The following PTPRD variants were observed in gnomAD, a reference collection of about 807,000 sequenced individuals.
PTPRD encodes the protein receptor-type tyrosine-protein phosphatase delta.
PTPRD carries 34 observed loss-of-function variants against 214.5 expected under a neutral mutation model. That is an observed-to-expected ratio of 0.16 (90% CI 0.12 to 0.21). The LOEUF is 0.21. PTPRD is among the 10% of genes least tolerant of loss of function. The pLI is 1.00. For missense variants in PTPRD, 2,545 were observed against 2,398.7 expected (o/e 1.06, Z -1.27); for synonymous variants, 1,128 against 845.7 (o/e 1.33, Z -5.79).
chr9:9,583,659 T>A (rs890835178), intron 7 of PTPRD, among the ~76,000 whole-genome samples: 24 of 152,076 alleles, frequency 1.6e-4, no homozygotes, highest in African/African-American at 4.3e-4. Context: ...GATAGTAATA[T>A]TGAAAAATCT....
In PTPRD at chr9:10,426,413, G is replaced by T. The variant is rs183849529; in HGVS notation, c.-599-85396C>A. On this transcript the variant is annotated intron_variant, in intron 2 of 45. Coordinates refer to ENST00000381196, the MANE Select transcript of PTPRD (RefSeq NM_002839.4). The stretch of plus-strand genomic sequence containing the variant: ...AAGCCCAAAAATTTTCGAAGGACTT[G>T]TATGTATAATTCTACATAATTTTTC... 1.6e-4 allele frequency among the ~76,000 whole-genome samples: 24 copies of T among 151,788 alleles called. 1 individual carries two copies. In the East Asian group the frequency reaches 4.5e-3, roughly 28 times the overall value.
intron 11 of PTPRD, among the ~76,000 whole-genome samples, chr9:8,742,116 T>A (rs991283494): frequency 2.0e-5 from 3 of 151,636 alleles, no homozygotes; most frequent in African/African-American, 7.3e-5. Flanking sequence ...CTATAAGACA[T>A]TAGTTATGAC....
rs1388230437 is a variant in PTPRD at position 8,840,086 on chromosome 9, T to C, written c.-103-106140A>G. Among the ~76,000 whole-genome samples the C allele has an allele frequency of 2.0e-5, 3 of 152,174 alleles. No homozygotes were observed. The East Asian group carries it at 5.8e-4, about 29-fold the overall frequency. ...TTATATTACTTTTATGGCTTTGAAA[T>C]AGATGAATAAAAGTTACGGTATAGA... On this transcript the variant is annotated intron_variant, in intron 11 of 45. Coordinates refer to ENST00000381196, the MANE Select transcript of PTPRD (RefSeq NM_002839.4).
At chr9:8,836,587 C>CTTA (rs1406848702) in intron 11 of PTPRD, among the ~76,000 whole-genome samples, 9 of 66,816 alleles carry the variant, frequency 1.3e-4, no homozygotes, top group African/African-American at 5.1e-4. Context: ...TAATAAAAAC[C>CTTA]TTTTTTTTTT....
chr9:10,083,535 A>G (rs2098277619), intron 3 of PTPRD, among the ~76,000 whole-genome samples: 1 of 152,078 alleles, frequency 6.6e-6, no homozygotes, highest in South Asian at 2.1e-4. Context: ...AACACATTTT[A>G]ATAAAAGCAT....
At chr9:9,427,083 G>C (rs553488227) in intron 8 of PTPRD, among the ~76,000 whole-genome samples, 2 of 152,310 alleles carry the variant, frequency 1.3e-5, no homozygotes, top group South Asian at 4.1e-4. Context: ...AGAGAAGAAG[G>C]CTTCAGACGA....
intron 14 of PTPRD, among the ~76,000 whole-genome samples, chr9:8,559,345 C>T (rs906350451): frequency 2.6e-5 from 4 of 152,072 alleles, no homozygotes; most frequent in South Asian, 2.1e-4. Context: ...ATACAGATAT[C>T]GAAATATCAC....
chr9:8,825,567 G>A (rs2097159023), intron 11 of PTPRD, among the ~76,000 whole-genome samples: 2 of 152,134 alleles, frequency 1.3e-5, no homozygotes, highest in Non-Finnish European at 2.9e-5. Context: ...GATTAGCAAC[G>A]TTTTAAGCAA....
intron 7 of PTPRD, among the ~76,000 whole-genome samples, chr9:9,664,725 C>T (rs1371068905): frequency 6.6e-6 from 1 of 151,590 alleles, no homozygotes; most frequent in African/African-American, 2.4e-5. Flanking sequence ...AGCAGAATCT[C>T]CTTTTGAAGG....
At chr9:10,159,070 C>A (rs1592721782) in intron 3 of PTPRD, among the ~76,000 whole-genome samples, 1 of 152,196 alleles carries the variant, frequency 6.6e-6, no homozygotes, top group South Asian at 2.1e-4. Context: ...TGGAAATTGT[C>A]TTTGGAATAT....
At chr9:9,187,660 T>C (rs1353015102) in intron 9 of PTPRD, among the ~76,000 whole-genome samples, 2 of 151,976 alleles carry the variant, frequency 1.3e-5, no homozygotes, top group Admixed American at 1.3e-4. Flanking sequence ...TCTTGTGAAA[T>C]AGACTGATTT....
intron 3 of PTPRD, among the ~76,000 whole-genome samples, chr9:10,223,766 G>C (rs1023457400): frequency 7.3e-5 from 11 of 149,880 alleles, no homozygotes; most frequent in African/African-American, 2.7e-4. Context: ...TAAAACCTCT[G>C]GGTAACAGAA....
intron 36 of PTPRD, among the ~76,000 whole-genome samples, chr9:8,390,143 C>A (rs2088942950): frequency 6.6e-6 from 1 of 152,154 alleles, no homozygotes; most frequent in Non-Finnish European, 1.5e-5. Context: ...CTACTTTTGT[C>A]CTCTCCAGTT....
intron 3 of PTPRD, among the ~76,000 whole-genome samples, chr9:10,307,687 C>T (rs2096126922): frequency 6.6e-6 from 1 of 151,884 alleles, no homozygotes; most frequent in Non-Finnish European, 1.5e-5. Context: ...ATAACAGTTC[C>T]CTTAAATACT....
intron 7 of PTPRD, among the ~76,000 whole-genome samples, chr9:9,608,324 G>A (rs1415991165): frequency 4.6e-5 from 7 of 152,076 alleles, no homozygotes; most frequent in East Asian, 1.9e-4. Flanking sequence ...TAAAGCCTCT[G>A]GTGCATGGTT....
At chr9:8,506,966 G>GA (rs1289227649) in intron 22 of PTPRD, among the ~76,000 whole-genome samples, 1 of 152,154 alleles carries the variant, frequency 6.6e-6, no homozygotes, top group East Asian at 1.9e-4. Context: ...ATGAAGAAGA[G>GA]AAAGTCCTCA....
intron 2 of PTPRD, among the ~76,000 whole-genome samples, chr9:10,383,084 G>C (rs1180773334): frequency 6.6e-6 from 1 of 151,788 alleles, no homozygotes; most frequent in Non-Finnish European, 1.5e-5. Context: ...ATACAAAGAA[G>C]GGACATGGAA....
intron 4 of PTPRD, among the ~76,000 whole-genome samples, chr9:9,942,599 G>A (rs2091766952): frequency 6.6e-6 from 1 of 152,036 alleles, no homozygotes; most frequent in Non-Finnish European, 1.5e-5. Context: ...ACTAATTTGT[G>A]CTTCTACCGA....
intron 2 of PTPRD, among the ~76,000 whole-genome samples, chr9:10,535,998 C>T (rs1482139205): frequency 6.6e-6 from 1 of 151,966 alleles, no homozygotes. Flanking sequence ...AAATAATAAC[C>T]GTGAAGAGGG....
Sources: allele counts gnomAD v4.1 joint callset (sites outside exome capture counted in the v4.1 genomes callset), GRCh38; gene constraint gnomAD v4.1.1; transcripts MANE v1.5; gene names NCBI Gene and HGNC (gene_info 2026-07-23, HGNC 2026-07-21).